The following ATP13A5 variants were observed in gnomAD, a reference collection of about 807,000 sequenced individuals.
The protein encoded by ATP13A5 is probable cation-transporting ATPase 13A5.
In ATP13A5, 149 loss-of-function variants were observed where a neutral mutation model predicts 150.2. That is an observed-to-expected ratio of 0.99 (90% CI 0.87 to 1.14). The LOEUF (loss-of-function observed/expected upper bound fraction) is 1.14, where lower values mean the gene tolerates loss of function less well. ATP13A5 is among the 50% of genes most tolerant of loss of function. The pLI is 0.00. For missense variants in ATP13A5, 1,383 were observed against 1,449.3 expected, an observed-to-expected ratio of 0.95 and a Z score of 0.74; for synonymous variants, 497 against 522.2, an observed-to-expected ratio of 0.95 and a Z score of 0.66.
Position 193,275,239 on chromosome 3 carries a change from T to C in ATP13A5, c.3460A>G (p.Lys1154Glu), listed in dbSNP as rs142600681. 1.1e-5 allele frequency: 18 copies of C among 1,614,070 alleles called. No individual in the cohort carries two copies. Among genetic ancestry groups the C allele is most frequent in the Non-Finnish European group, 1.4e-5 (17 of 1,180,050 alleles). Residue 1154 changes from lysine (K) to glutamate (E), a missense_variant, in exon 30 of 30, where the codon AAA (lysine) becomes GAA (glutamate). Around this residue, in one of 3 missense-constraint regions of ATP13A5, gnomAD observed 568 missense variants for 621.5 expected, o/e 0.91. Transcript: ENST00000342358. ...TTTTGCCAAGTCCTATATTGACTTT[T>C]AGAGTAGAATCCAAATTCTCTTTTG... is the stretch of plus-strand genomic sequence containing the variant. The part of the protein sequence containing the change: ...LIKREFGFYS[K>E]SQYRTWQKKL...
intron 5 of ATP13A5, among the ~76,000 whole-genome samples, chr3:193,362,025 A>T (rs550924883): frequency 1.3e-5 from 2 of 152,332 alleles, no homozygotes; most frequent in South Asian, 4.1e-4. Flanking sequence ...AATAAAATGC[A>T]ATCAAAGTAT....
chr3:193,279,300 G>T, intron 28 of ATP13A5, 66 bp downstream of exon 28: 1 of 1,253,928 alleles, frequency 8.0e-7, no homozygotes, highest in Non-Finnish European at 1.2e-6. Context: ...ATTGACTTGT[G>T]AATTACAATG....
At chr3:193,345,549 G>T (rs1432634267) in intron 7 of ATP13A5, among the ~76,000 whole-genome samples, 3 of 152,122 alleles carry the variant, frequency 2.0e-5, no homozygotes, top group Non-Finnish European at 4.4e-5. Flanking sequence ...GAAACAGCTG[G>T]ATTGGTTACA....
At position 193,327,052 on chromosome 3, in the gene ATP13A5, G is replaced by T; in HGVS notation, c.1467C>A (p.Gly489=). Residue 489 remains glycine, a synonymous_variant, in exon 13 of 30, where the codon GGC becomes GGA. Transcript: ENST00000342358. The part of the protein sequence containing the change: ...QINLVCFDKT[G]TLTEDGLDLW... ...GGTCCAGCCCATCTTCAGTGAGAGT[G>T]CCAGTCTGAGTAAAAATTAAAAGCA... 6.2e-7 allele frequency: 1 copy of T among 1,605,542 alleles called. No homozygotes were observed. The highest frequency in any genetic ancestry group is 1.7e-4 in the Middle Eastern group (1 of 6,044).
At chr3:193,315,358 C>A (rs1386412839) in intron 17 of ATP13A5, among the ~76,000 whole-genome samples, 1 of 152,136 alleles carries the variant, frequency 6.6e-6, no homozygotes, top group Non-Finnish European at 1.5e-5. Flanking sequence ...TGCTTATCTT[C>A]CAACTCTTCT....
In ATP13A5 at chr3:193,316,301, A is replaced by G. The variant is rs560426510; in HGVS notation, c.2034-1205T>C. 1.1e-4 allele frequency among the ~76,000 whole-genome samples: 16 copies of G among 152,182 alleles called. No individual in the cohort carries two copies. The South Asian group carries it at 2.1e-3, about 20-fold the overall frequency. ...GAAGATACCTTTTTTTGAGATCCCAATGTCAGTTCTTTTGGATATATACTC... is the reference window on the plus strand; with the variant it reads ...GAAGATACCTTTTTTTGAGATCCCAGTGTCAGTTCTTTTGGATATATACTC... On this transcript the variant is annotated intron_variant, in intron 17 of 29. Transcript: ENST00000342358.
chr3:193,298,310 A>C (rs1178308242), intron 25 of ATP13A5, among the ~76,000 whole-genome samples: 2 of 152,138 alleles, frequency 1.3e-5, no homozygotes, highest in African/African-American at 4.8e-5. Flanking sequence ...CATGTAGAAA[A>C]ATATTTTAAT....
At chr3:193,288,828 A>G (rs1293145429) in intron 26 of ATP13A5, among the ~76,000 whole-genome samples, 1 of 152,092 alleles carries the variant, frequency 6.6e-6, no homozygotes, top group Non-Finnish European at 1.5e-5. Flanking sequence ...ACTTACATTA[A>G]GGTAATAAAA....
chr3:193,369,079 A>C (rs968285667), intron 1 of ATP13A5, among the ~76,000 whole-genome samples: 2 of 151,802 alleles, frequency 1.3e-5, no homozygotes, highest in African/African-American at 4.8e-5. Context: ...CGCTGTCTCT[A>C]CAATTTTTTT....
intron 23 of ATP13A5, among the ~76,000 whole-genome samples, chr3:193,303,527 T>TGTGTGTGTATATATGTTA (rs1718487782): frequency 1.3e-5 from 2 of 152,138 alleles, no homozygotes; most frequent in Admixed American, 1.3e-4. Flanking sequence ...TTTGTGTGTA[T>TGTGTGTGTATATATGTTA]GTGTGTGTAT....
At chr3:193,354,659 G>C (rs1680214295) in intron 5 of ATP13A5, among the ~76,000 whole-genome samples, 1 of 151,806 alleles carries the variant, frequency 6.6e-6, no homozygotes, top group Admixed American at 6.6e-5. Context: ...ATTAGTATAT[G>C]AACTGAATGA....
intron 9 of ATP13A5, among the ~76,000 whole-genome samples, chr3:193,336,387 C>A (rs1442936057): frequency 1.3e-5 from 2 of 152,144 alleles, no homozygotes; most frequent in Non-Finnish European, 2.9e-5. Flanking sequence ...TCCCTCCCCA[C>A]TCCCCCCACC....
In ATP13A5 at chr3:193,335,062, C is replaced by A. The variant is rs200088291; in HGVS notation, c.981G>T (p.Gln327His). Residue 327 changes from glutamine to histidine, a missense_variant, in exon 10 of 30, where the codon CAG (glutamine) becomes CAT (histidine). Gln to His is a conservative substitution (Grantham distance 24). Around this residue, in one of 3 missense-constraint regions of ATP13A5, gnomAD observed 787 missense variants for 771.9 expected, o/e 1.02. Coordinates refer to ENST00000342358, the MANE Select transcript of ATP13A5 (RefSeq NM_198505.4). ...ATTTCCAAGGCATAGTGTTCTCCAT[C>A]TGGGGCAATGGTGTCTTTGTAACAG... ...SIPVTKTPLP[Q>H]MENTMPWKCH... 1 of 1,613,946 alleles carries A rather than the reference C, an allele frequency of 6.2e-7. No homozygotes were observed. Among genetic ancestry groups the A allele is most frequent in the Non-Finnish European group, 8.5e-7 (1 of 1,179,822 alleles).
chr3:193,374,301 C>G (rs10937585), intron 1 of ATP13A5, among the ~76,000 whole-genome samples: 53,858 of 144,648 alleles, frequency 0.37, 11,148 homozygotes, highest in Non-Finnish European at 0.46. Flanking sequence ...CACACACACA[C>G]AGAGAGAGAG....
intron 9 of ATP13A5, among the ~76,000 whole-genome samples, chr3:193,340,294 C>T (rs1712066619): frequency 6.6e-6 from 1 of 152,144 alleles, no homozygotes; most frequent in African/African-American, 2.4e-5. Context: ...GACCAGAGAC[C>T]ATTTCTCTTT....
intron 5 of ATP13A5, among the ~76,000 whole-genome samples, chr3:193,354,486 T>G (rs1397632318): frequency 6.6e-6 from 1 of 151,980 alleles, no homozygotes; most frequent in Non-Finnish European, 1.5e-5. Flanking sequence ...TTAAAATAAT[T>G]TTATTATATA....
rs767801283 is a variant in ATP13A5 at position 193,331,271 on chromosome 3, A to T, written c.1313T>A (p.Leu438His). 9.9e-6 allele frequency: 16 copies of T among 1,613,840 alleles called. No homozygotes were observed. The African/African-American group carries it at 1.7e-4, about 18-fold the overall frequency. Residue 438 changes from leucine (L) to histidine (H), a missense_variant, in exon 12 of 30, where the codon CTC becomes CAC. Physicochemically the swap from Leu to His is moderately conservative, Grantham distance 99. This residue lies in a region of ATP13A5 where 787 missense variants were observed against 771.9 expected (regional missense o/e 1.02). Coordinates refer to ENST00000342358, the MANE Select transcript of ATP13A5 (RefSeq NM_198505.4). Reference protein sequence around the residue: ...KDTVTMALILLTVTVPPVLPA... With the variant: ...KDTVTMALILHTVTVPPVLPA... ...CAGCACTGGAGGGACAGTCACGGTGAGGAGGATCAGGGCCATGGTCACAGT... is the reference window on the plus strand; with the variant it reads ...CAGCACTGGAGGGACAGTCACGGTGTGGAGGATCAGGGCCATGGTCACAGT...
chr3:193,371,467 C>T (rs1713438688), intron 1 of ATP13A5, among the ~76,000 whole-genome samples: 1 of 152,188 alleles, frequency 6.6e-6, no homozygotes, highest in Admixed American at 6.5e-5. Flanking sequence ...GTTGGGTATT[C>T]AGTTAGCTGG....
At chr3:193,317,188 CT>C (rs1719081689) in intron 17 of ATP13A5, among the ~76,000 whole-genome samples, 1 of 152,202 alleles carries the variant, frequency 6.6e-6, no homozygotes, top group African/African-American at 2.4e-5. Context: ...GCGTGTCTTT[CT>C]CTCTTATTTT....
Sources: allele counts gnomAD v4.1 joint callset (sites outside exome capture counted in the v4.1 genomes callset), GRCh38; gene constraint gnomAD v4.1.1; regional missense constraint gnomAD v4.1.1; transcripts MANE v1.5; gene names NCBI Gene and HGNC (gene_info 2026-07-23, HGNC 2026-07-21).